DNAH1: variants seen among roughly 807,000 people sequenced by gnomAD.
DNAH1 encodes axonemal beta dynein heavy chain 1.
Under a neutral mutation model 484.3 loss-of-function variants are expected in DNAH1, and 327 were observed. The ratio of observed to expected loss-of-function variants is 0.68; its 90% confidence interval spans 0.62 to 0.74. The LOEUF is 0.74. Ranked by LOEUF, DNAH1 falls within the 30% of genes least tolerant of loss-of-function variation. The pLI is 0.00. For missense variants in DNAH1, 5,052 were observed against 5,546.8 expected (o/e 0.91, Z 2.83); for synonymous variants, 2,192 against 2,191.9 (o/e 1.00, Z 0.00).
intron 55 of DNAH1, 50 bp from the exon 56 acceptor site, chr3:52,386,612 G>A (rs1704121108): frequency 6.7e-7 from 1 of 1,496,330 alleles, no homozygotes; most frequent in Non-Finnish European, 8.9e-7. Flanking sequence ...TCCCTGCCGA[G>A]GGGTGCCCAC....
intron 8 of DNAH1, among the ~76,000 whole-genome samples, chr3:52,334,798 T>C (rs764646926): frequency 1.3e-5 from 2 of 151,830 alleles, no homozygotes. Context: ...CTCAGAAAAA[T>C]GTATGTAATT....
chr3:52,339,772 G>T (rs1019102383), intron 8 of DNAH1, among the ~76,000 whole-genome samples: 106 of 150,998 alleles, frequency 7.0e-4, no homozygotes, highest in African/African-American at 2.4e-3. Context: ...TTTTTTGTTT[G>T]TTTGTTTTTA....
rs569350232 is a variant in DNAH1 at position 52,350,534 on chromosome 3, C to A, written c.2673C>A (p.Asp891Glu). Residue 891 changes from aspartate (D) to glutamate (E), a missense_variant, in exon 16 of 78, where the codon GAC (aspartate) becomes GAA (glutamate). Transcript: ENST00000420323. ...AGCGGATTGTGAAGGTCATGGATGA[C>A]TACCAGGTCATGGATGAATTCCTCT... ...LEERIVKVMD[D>E]YQVMDEFLYN... 1.2e-6 allele frequency: 2 copies of A among 1,613,956 alleles called. No homozygotes were observed. Among genetic ancestry groups the A allele is most frequent in the African/African-American group, 1.3e-5 (1 of 75,036 alleles).
Position 52,380,529 on chromosome 3 carries a change from T to A in DNAH1, c.7608+394T>A, listed in dbSNP as rs1337668528. On this transcript the variant is annotated intron_variant, in intron 48 of 77. Transcript: ENST00000420323. Reference sequence around the variant, plus strand: ...TCCTGACAGTTTCTCTCCACACGCATCCTCTCCTAATTCCAAGAGCTCCCA... The same window carrying A: ...TCCTGACAGTTTCTCTCCACACGCAACCTCTCCTAATTCCAAGAGCTCCCA... Among the ~76,000 whole-genome samples, 3 of 152,146 alleles carry A rather than the reference T, an allele frequency of 2.0e-5. No individual in the cohort carries two copies. In the South Asian group the frequency reaches 6.2e-4, roughly 32 times the overall value.
chr3:52,375,927 G>C, intron 45 of DNAH1, 28 bp from the exon 46 acceptor site: 1 of 1,611,272 alleles, frequency 6.2e-7, no homozygotes. Flanking sequence ...CTAACCCTGA[G>C]CCCCGTGTTT....
In DNAH1 at chr3:52,368,861, G is replaced by T; in HGVS notation, c.5886G>T (p.Val1962=). Reference sequence around the variant, plus strand: ...TCTGGATTGAGAACATGAACACGGTGCTGGATGACAACAAGAAGCTGTGCC... The same window carrying T: ...TCTGGATTGAGAACATGAACACGGTTCTGGATGACAACAAGAAGCTGTGCC... ...DAIWIENMNT[V]LDDNKKLCLS... is the part of the protein sequence containing the mutation. Residue 1962 remains valine, a synonymous_variant, in exon 37 of 78, where the codon GTG becomes GTT. Transcript: ENST00000420323. The surrounding 1 kb of genome is among the most constrained non-coding windows in gnomAD (Gnocchi z 4.4). The T allele has an allele frequency of 6.2e-7, 1 of 1,614,028 alleles. No homozygotes were observed. Among genetic ancestry groups the T allele is most frequent in the Non-Finnish European group, 8.5e-7 (1 of 1,179,904 alleles).
At chr3:52,387,784 G>A (rs1704174452) in intron 56 of DNAH1, among the ~76,000 whole-genome samples, 2 of 152,186 alleles carry the variant, frequency 1.3e-5, no homozygotes, top group Non-Finnish European at 2.9e-5. Context: ...GGTGGGGTAG[G>A]CCCTTGAGGT....
rs368910564 is a variant in DNAH1, at chr3:52,328,019, G to A, written c.871+5G>A. ...CTGATGACTTCCTGGGGCATGGTGA[G>A]CAAGGCCACTCTGGAGTGGGGACAC... On this transcript the variant is annotated splice_donor_5th_base_variant and intron_variant, in intron 6 of 77. Transcript: ENST00000420323. 25 of 1,613,164 alleles carry A rather than the reference G, an allele frequency of 1.5e-5. No homozygotes were observed. Among genetic ancestry groups the A allele is most frequent in the Non-Finnish European group, 2.0e-5 (23 of 1,179,362 alleles).
At chr3:52,343,591 T>TC (rs1391955854) in intron 8 of DNAH1, among the ~76,000 whole-genome samples, 2 of 151,994 alleles carry the variant, frequency 1.3e-5, no homozygotes, top group Non-Finnish European at 2.9e-5. Flanking sequence ...GTGAGACCAG[T>TC]CCCCTGCCTA....
At position 52,375,090 on chromosome 3, in the gene DNAH1, G is replaced by T; in HGVS notation, c.6986-150G>T. 7 of 971,490 alleles carry T rather than the reference G, an allele frequency of 7.2e-6. No homozygotes were observed. In the South Asian group the frequency reaches 1.3e-4, roughly 19 times the overall value. 60.2% of individuals were successfully genotyped at this position (971,490 alleles called of 1,614,324 possible). Reference sequence around the variant, plus strand: ...GAGGAGCATGAATTTTTAGGGCAAAGAAAAATTTTCCTGTGTAATATTGAT... The same window carrying T: ...GAGGAGCATGAATTTTTAGGGCAAATAAAAATTTTCCTGTGTAATATTGAT... On this transcript the variant is annotated intron_variant, in intron 44 of 77. Transcript: ENST00000420323.
intron 36 of DNAH1, among the ~76,000 whole-genome samples, chr3:52,367,827 C>T (rs542368162): frequency 6.6e-6 from 1 of 152,352 alleles, no homozygotes; most frequent in East Asian, 1.9e-4. Context: ...CCCGCCTTGG[C>T]CTCCCAAAGT....
At chr3:52,387,149 A>T (rs1229470793) in intron 56 of DNAH1, among the ~76,000 whole-genome samples, 5 of 152,178 alleles carry the variant, frequency 3.3e-5, no homozygotes, top group African/African-American at 1.2e-4. Context: ...GCCCCATAGG[A>T]AGTCACCCAT....
intron 5 of DNAH1, 25 bp downstream of exon 5, chr3:52,326,916 T>TC (rs766727140): frequency 1.2e-6 from 2 of 1,606,418 alleles, no homozygotes; most frequent in South Asian, 1.1e-5. Context: ...CACAGATGGT[T>TC]GAGAGACAGG....
rs1488911826 is a variant in DNAH1, at chr3:52,328,148, G to T, written c.871+134G>T. The T allele has an allele frequency of 4.1e-5, 49 of 1,196,734 alleles. No individual in the cohort carries two copies. In the East Asian group the frequency reaches 1.1e-3, roughly 27 times the overall value. 74.1% of individuals were successfully genotyped at this position (1,196,734 alleles called of 1,614,324 possible). On this transcript the variant is annotated intron_variant, in intron 6 of 77. Transcript: ENST00000420323. ...TTCAAGACCTCTCAGCTGGTAGACA[G>T]GCCTAGAAGCTGGCCTCACAGAGGC...
rs1043099098 is a variant in DNAH1 at position 52,376,019 on chromosome 3, G to A, written c.7198+26G>A. 2.5e-6 allele frequency: 4 copies of A among 1,608,470 alleles called. No homozygotes were observed. In the African/African-American group the frequency reaches 4.0e-5, roughly 16 times the overall value. On this transcript the variant is annotated intron_variant, in intron 46 of 77. Transcript: ENST00000420323. ...GTAAGTGTGGGCCTGGGCGGGAATG[G>A]GGCACTGGTTCCAGGAGGAGCCCTG...
upstream of DNAH1, among the ~76,000 whole-genome samples, chr3:52,313,789 A>G (rs77680044): frequency 4.6e-3 from 701 of 152,216 alleles, 6 homozygotes; most frequent in Non-Finnish European, 7.7e-3. Flanking sequence ...CAGGAATGGA[A>G]GTATTTGGGG....
rs1704238670 is a variant in DNAH1, at chr3:52,388,843, AGGAGACGGT to A, written c.9407_9415del (p.Thr3136_Glu3138del). ...CTGTCGGATGAGAAGGTGCGCTGGC[AGGAGACGGT>A]GGAGAACCTGCAGTACATGCTCAAC... is the stretch of plus-strand genomic sequence containing the variant. On this transcript the variant is annotated inframe_deletion, in exon 59 of 78. Transcript: ENST00000420323. 4 of 1,613,792 alleles carry A rather than the reference AGGAGACGGT, an allele frequency of 2.5e-6. No homozygotes were observed. The highest frequency in any genetic ancestry group is 3.4e-6 in the Non-Finnish European group (4 of 1,179,880).
In DNAH1 at chr3:52,379,851, G is replaced by GTC; in HGVS notation, c.7378-54_7378-53insTC. On this transcript the variant is annotated intron_variant, in intron 47 of 77. Transcript: ENST00000420323. The surrounding 1 kb of genome is among the most constrained non-coding windows in gnomAD (Gnocchi z 4.4). Reference sequence around the variant, plus strand: ...CCCTCCCTTGCCTGGTGGTTTGAGAGATAGCTGAGGGCTTGGGGGCCAAGG... The same window carrying GTC: ...CCCTCCCTTGCCTGGTGGTTTGAGAGTCATAGCTGAGGGCTTGGGGGCCAAGG... The GTC allele has an allele frequency of 6.7e-7, 1 of 1,487,644 alleles. No homozygotes were observed. 92.2% of individuals were successfully genotyped at this position (1,487,644 alleles called of 1,614,324 possible).
rs1483082477 is a variant in DNAH1 at position 52,332,395 on chromosome 3, G to A, written c.1286+1G>A. 5 of 1,611,734 alleles carry A rather than the reference G, an allele frequency of 3.1e-6. No homozygotes were observed. The highest frequency in any genetic ancestry group is 4.2e-6 in the Non-Finnish European group (5 of 1,179,396). On this transcript the variant is annotated splice_donor_variant, in intron 8 of 77. Coordinates refer to ENST00000420323, the MANE Select transcript of DNAH1 (RefSeq NM_015512.5). LOFTEE classifies it high-confidence loss of function. ...CGCCTCGGATGCGCAAAGGCCCCTCGTGAGTCCCCGCTCGGCCTTCCCTAT... is the reference window on the plus strand; with the variant it reads ...CGCCTCGGATGCGCAAAGGCCCCTCATGAGTCCCCGCTCGGCCTTCCCTAT...
Sources: allele counts gnomAD v4.1 joint callset (sites outside exome capture counted in the v4.1 genomes callset), GRCh38; gene constraint gnomAD v4.1.1; non-coding constraint Gnocchi (gnomAD v3.1); transcripts MANE v1.5; gene names NCBI Gene and HGNC (gene_info 2026-07-23, HGNC 2026-07-21).